The following SH3BP1 variants were observed in gnomAD, a reference collection of about 807,000 sequenced individuals.
The protein encoded by SH3BP1 is SH3 domain-binding protein 1.
A neutral mutation model predicts 69.8 loss-of-function variants in SH3BP1; 46 were observed. The observed-to-expected ratio is 0.66, with a 90% CI of 0.52 to 0.84. SH3BP1 has a LOEUF of 0.84. SH3BP1 is among the 40% of genes least tolerant of loss of function. SH3BP1 has a pLI of 0.00. For synonymous variants in SH3BP1, 403 were observed against 378.0 expected (o/e 1.07, Z -0.77); for missense variants, 868 against 930.9 (o/e 0.93, Z 0.88).
At chr22:37,654,757 C>T (rs1932969612) in intron 17 of SH3BP1, among the ~76,000 whole-genome samples, 2 of 152,030 alleles carry the variant, frequency 1.3e-5, no homozygotes, top group South Asian at 2.1e-4. Context: ...CAGGAATAGG[C>T]GGAACAGCTC....
At position 37,643,855 on chromosome 22, in the gene SH3BP1, G is replaced by T. The variant is rs559437555; in HGVS notation, c.618+67G>T. 2.5e-6 allele frequency: 4 copies of T among 1,584,564 alleles called. No individual in the cohort carries two copies. In the African/African-American group the frequency reaches 5.4e-5, roughly 21 times the overall value. On this transcript the variant is annotated intron_variant, in intron 7 of 17. Transcript: ENST00000649765. ...GGGTGGGTCCTGGCCCATCTCACAG[G>T]CAAGGAAGCTGAAGTTCAGAGAGGT...
At chr22:37,641,300 G>C in intron 2 of SH3BP1, 74 bp from the exon 3 acceptor site, 1 of 1,523,960 alleles carries the variant, frequency 6.6e-7, no homozygotes, top group East Asian at 2.5e-5. Flanking sequence ...GGGGTCCCCA[G>C]GGGACAGGAG....
At position 37,650,590 on chromosome 22, in the gene SH3BP1, A is replaced by G. The variant is rs900419842; in HGVS notation, c.1463A>G (p.Asp488Gly). Reference protein sequence around the residue: ...SGLFSAVTLQDTVSDRLASEE... With the variant: ...SGLFSAVTLQGTVSDRLASEE... ...CTCTTCTCAGCTGTTACCCTCCAGG[A>G]CACAGTCAGTGACAGGCTGGCCTCT... The change falls in exon 16 of 18, where the codon GAC (aspartate) becomes GGC (glycine). Residue 488 changes from aspartate (D) to glycine (G), a missense_variant. Coordinates refer to ENST00000649765, the MANE Select transcript of SH3BP1 (RefSeq NM_018957.6). The G allele has an allele frequency of 5.0e-6, 8 of 1,614,076 alleles. No individual in the cohort carries two copies. The highest frequency in any genetic ancestry group is 1.3e-5 in the African/African-American group (1 of 75,062).
In SH3BP1 at chr22:37,655,418, C is replaced by A; in HGVS notation, c.1840C>A (p.Leu614Ile). The A allele has an allele frequency of 1.4e-6, 2 of 1,456,108 alleles. No homozygotes were observed. The highest frequency in any genetic ancestry group is 1.8e-6 in the Non-Finnish European group (2 of 1,086,498). 90.2% of individuals were successfully genotyped at this position (1,456,108 alleles called of 1,614,324 possible). ...GCCCCGACGTCTGGTTGGCAGCAGC[C>A]TCCGAGCCCCCACAGTGCCACCCCC... ...ALPRRLVGSS[L>I]RAPTVPPPLP... Residue 614 changes from leucine (L) to isoleucine (I), a missense_variant, in exon 18 of 18, where the codon CTC becomes ATC. By Grantham distance (5) the Leu-to-Ile change is conservative. Transcript: ENST00000649765.
chr22:37,639,780 C>T lies in SH3BP1; in HGVS notation c.-8C>T. The T allele has an allele frequency of 1.3e-6, 2 of 1,534,348 alleles. No individual in the cohort carries two copies. The highest frequency in any genetic ancestry group is 1.2e-5 in the South Asian group (1 of 82,120). The stretch of plus-strand genomic sequence containing the variant: ...CCGTGACCCCGCAGCCCCCAGCTCG[C>T]CCCCAAGATGATGAAGAGGCAGCTG... On this transcript the variant is annotated 5_prime_UTR_variant, in exon 1 of 18. Transcript: ENST00000649765.
chr22:37,650,289 T>G (rs1262833303), intron 15 of SH3BP1, 40 bp downstream of exon 15: 1 of 1,561,622 alleles, frequency 6.4e-7, no homozygotes, highest in East Asian at 2.4e-5. Flanking sequence ...CTGGGTGCCC[T>G]CCTTCTGCCC....
chr22:37,650,311 C>T (rs1932853920), intron 15 of SH3BP1, 62 bp downstream of exon 15: 2 of 1,539,608 alleles, frequency 1.3e-6, no homozygotes, highest in African/African-American at 1.4e-5. Context: ...GCTCCCTCCC[C>T]TGTAGCCCCA....
Position 37,644,538 on chromosome 22 carries a change from G to T in SH3BP1, c.619-99G>T. 4 of 1,150,486 alleles carry T rather than the reference G, an allele frequency of 3.5e-6. No homozygotes were observed. The South Asian group carries it at 5.0e-5, about 14-fold the overall frequency. The allele number at this position is 1,150,486 out of a possible 1,614,324, so 71.3% of individuals were successfully genotyped here. On this transcript the variant is annotated intron_variant, in intron 7 of 17. Transcript: ENST00000649765. ...TGGCTGGGACCTTCCACCTGCAGTT[G>T]TGTGGCCTGGGGGAGGTCACCAACC... is the stretch of plus-strand genomic sequence containing the variant.
In SH3BP1 at chr22:37,653,823, C is replaced by A. The variant is rs1394331011; in HGVS notation, c.1643C>A (p.Thr548Asn). 6.2e-7 allele frequency: 1 copy of A among 1,613,776 alleles called. No individual in the cohort carries two copies. Among genetic ancestry groups the A allele is most frequent in the East Asian group, 2.2e-5 (1 of 44,882 alleles). ...CCCAGACCAGCCTCCCCCAAGGTCACCAGGAGTCCCCCGGAGACAGCTGCC... is the reference window on the plus strand; with the variant it reads ...CCCAGACCAGCCTCCCCCAAGGTCAACAGGAGTCCCCCGGAGACAGCTGCC... Reference protein sequence around the residue: ...VPPRPASPKVTRSPPETAAPV... With the variant: ...VPPRPASPKVNRSPPETAAPV... Residue 548 changes from threonine (T) to asparagine (N), a missense_variant, in exon 17 of 18, where the codon ACC (threonine) becomes AAC (asparagine). This residue lies in a region of SH3BP1 where 474 missense variants were observed against 462.3 expected (regional missense o/e 1.03). Transcript: ENST00000649765.
chr22:37,650,132 G>C lies in SH3BP1; in HGVS notation c.1317-20G>C. ...GGGGTCACAAACCCTTTGCTGAGCAGATGCATCTCTTTGTCCCAGGGACCA... is the reference window on the plus strand; with the variant it reads ...GGGGTCACAAACCCTTTGCTGAGCACATGCATCTCTTTGTCCCAGGGACCA... On this transcript the variant is annotated intron_variant, in intron 14 of 17. Coordinates refer to ENST00000649765, the MANE Select transcript of SH3BP1 (RefSeq NM_018957.6). 6.2e-7 allele frequency: 1 copy of C among 1,614,002 alleles called. No individual in the cohort carries two copies. Among genetic ancestry groups the C allele is most frequent in the South Asian group, 1.1e-5 (1 of 91,084 alleles).
At chr22:37,642,506 G>C in intron 3 of SH3BP1, 33 bp from the exon 4 acceptor site, 2 of 1,609,440 alleles carry the variant, frequency 1.2e-6, no homozygotes, top group Non-Finnish European at 1.7e-6. Context: ...AGGGAGGCAC[G>C]GACACTCATC....
chr22:37,640,409 C>T (rs1569004221), intron 1 of SH3BP1: 2 of 152,532 alleles, frequency 1.3e-5, no homozygotes, highest in Non-Finnish European at 2.9e-5. Context: ...GAAATATCCC[C>T]AGGTCTCCCA....
At chr22:37,645,295 G>A (rs1242765946) in intron 9 of SH3BP1, 70 bp from the exon 10 acceptor site, 4 of 1,527,992 alleles carry the variant, frequency 2.6e-6, no homozygotes, top group Middle Eastern at 3.5e-4. Flanking sequence ...AGGACATGAA[G>A]GGGGGGTGCC....
Position 37,644,708 on chromosome 22 carries a change from G to A in SH3BP1, c.687+3G>A, listed in dbSNP as rs569344070. 6.2e-7 allele frequency: 1 copy of A among 1,614,236 alleles called. No homozygotes were observed. Among genetic ancestry groups the A allele is most frequent in the African/African-American group, 1.3e-5 (1 of 75,078 alleles). ...CCTATGCCAACTACTTCATTCGTGTGAGTCCAAGACCGGGCCCCAGCCATC... is the reference window on the plus strand; with the variant it reads ...CCTATGCCAACTACTTCATTCGTGTAAGTCCAAGACCGGGCCCCAGCCATC... On this transcript the variant is annotated splice_donor_region_variant and intron_variant, in intron 8 of 17. Transcript: ENST00000649765.
chr22:37,647,898 ACTC>A (rs1206528404), intron 13 of SH3BP1, among the ~76,000 whole-genome samples: 7 of 150,574 alleles, frequency 4.6e-5, no homozygotes, highest in African/African-American at 1.5e-4. Context: ...CTGGTCTTGA[ACTC>A]CTGACCTCAG....
chr22:37,642,967 G>A lies in SH3BP1; in HGVS notation c.357G>A (p.Leu119=). 10 of 1,612,934 alleles carry A rather than the reference G, an allele frequency of 6.2e-6. No individual in the cohort carries two copies. The highest frequency in any genetic ancestry group is 7.6e-6 in the Non-Finnish European group (9 of 1,179,966). The change falls in exon 5 of 18, where the codon CTG becomes CTA. Residue 119 remains leucine, a synonymous_variant. Transcript: ENST00000649765. The stretch of plus-strand genomic sequence containing the variant: ...TCCTGGCCGAGTTTGAGATGACCCT[G>A]GAGAGGGACGTCCTGCAGCCACTCA... ...ARILAEFEMT[L]ERDVLQPLSR... is the part of the protein sequence containing the mutation.
chr22:37,640,947 T>A, intron 1 of SH3BP1, 179 bp from the exon 2 acceptor site: 1 of 617,308 alleles, frequency 1.6e-6, no homozygotes, highest in Non-Finnish European at 2.9e-6. Context: ...CCCACCCCCA[T>A]GGAATGTGCT....
At position 37,641,145 on chromosome 22, in the gene SH3BP1, T is replaced by TTCC; in HGVS notation, c.81_83dup (p.Leu28dup). 6.6e-7 allele frequency: 1 copy of TTCC among 1,515,488 alleles called. No individual in the cohort carries two copies. Among genetic ancestry groups the TTCC allele is most frequent in the Non-Finnish European group, 8.9e-7 (1 of 1,121,268 alleles). 93.9% of individuals were successfully genotyped at this position (1,515,488 alleles called of 1,614,324 possible). A position where few individuals can be genotyped will look rare whatever the true frequency, so the allele number is the denominator to read the frequency against. ...CCGCAGCACCCCGGAGACCGCTGAG[T>TTCC]TCCTGGGTGAGGACCTGCTGCAGGT... On this transcript the variant is annotated inframe_insertion, in exon 2 of 18. Transcript: ENST00000649765.
intron 1 of SH3BP1, chr22:37,640,836 G>A (rs1932557691): frequency 6.2e-6 from 3 of 482,768 alleles, no homozygotes; most frequent in South Asian, 2.6e-5. Flanking sequence ...TCCCAAAGCT[G>A]GGCCCCGGGT....
Sources: gnomAD v4.1 joint callset for allele counts (sites outside exome capture counted in the v4.1 genomes callset) on GRCh38, gnomAD v4.1.1 for gene constraint, gnomAD v4.1.1 regional missense constraint, MANE v1.5 for transcripts, NCBI Gene and HGNC (gene_info 2026-07-23, HGNC 2026-07-21) for gene names.